The following SEC63 variants were observed in gnomAD, a reference collection of about 807,000 sequenced individuals.
SEC63 encodes SEC63 protein translocation regulator, also known as translocation protein SEC63 homolog.
A neutral mutation model predicts 116.2 loss-of-function variants in SEC63; 56 were observed. The observed-to-expected ratio is 0.48, with a 90% CI of 0.39 to 0.60. The LOEUF (loss-of-function observed/expected upper bound fraction) is 0.60, where lower values mean the gene tolerates loss of function less well. Ranked by LOEUF, SEC63 falls within the 20% of genes least tolerant of loss-of-function variation. The pLI is 0.00. For missense variants in SEC63, 668 were observed against 900.0 expected (o/e 0.74, Z 3.30); for synonymous variants, 273 against 294.6 (o/e 0.93, Z 0.75).
intron 1 of SEC63, among the ~76,000 whole-genome samples, chr6:107,953,696 T>TG (rs1189775593): frequency 6.2e-5 from 6 of 96,136 alleles, no homozygotes; most frequent in Admixed American, 4.8e-4. Flanking sequence ...GGGAGGGAGG[T>TG]GGGGGGTCAG....
At chr6:107,936,545 T>TA (rs72587806) in intron 1 of SEC63, among the ~76,000 whole-genome samples, 148,796 of 152,330 alleles carry the variant, frequency 0.98, 72,713 homozygotes, top group African/African-American at 0.99. Flanking sequence ...TAACTTGTAT[T>TA]TTTTTAAAGA....
In SEC63 at chr6:107,893,481, C is replaced by A. The variant is rs1336130964; in HGVS notation, c.1674+1G>T. 1 of 1,611,534 alleles carries A rather than the reference C, an allele frequency of 6.2e-7. No individual in the cohort carries two copies. Among genetic ancestry groups the A allele is most frequent in the Non-Finnish European group, 8.5e-7 (1 of 1,178,866 alleles). On this transcript the variant is annotated splice_donor_variant, in intron 16 of 20. Coordinates refer to ENST00000369002, the MANE Select transcript of SEC63 (RefSeq NM_007214.5). LOFTEE classifies it high-confidence loss of function. Reference sequence around the variant, plus strand: ...GATAATAACGATAATAATAAACTTACATTCCCAACGACTCCATTTGCCTGC... The same window carrying A: ...GATAATAACGATAATAATAAACTTAAATTCCCAACGACTCCATTTGCCTGC...
In SEC63 at chr6:107,958,069, C is replaced by G; in HGVS notation, c.-60G>C. 1.9e-6 allele frequency: 3 copies of G among 1,599,626 alleles called. No individual in the cohort carries two copies. Among genetic ancestry groups the G allele is most frequent in the Non-Finnish European group, 2.6e-6 (3 of 1,170,824 alleles). On this transcript the variant is annotated 5_prime_UTR_variant, in exon 1 of 21. Coordinates refer to ENST00000369002, the MANE Select transcript of SEC63 (RefSeq NM_007214.5). ...CGCCGCCACGACCACGCTCTGCACT[C>G]CCGCTCCCAACGCCCCGGCCCGAGT...
chr6:107,929,698 A>G (rs1231604622), intron 1 of SEC63, among the ~76,000 whole-genome samples, 184 bp from the exon 2 acceptor site: 2 of 152,226 alleles, frequency 1.3e-5, no homozygotes, highest in Non-Finnish European at 2.9e-5. Context: ...ATTTAGAACA[A>G]ACAACCTATC....
chr6:107,887,463 T>C (rs1018266499), intron 16 of SEC63, among the ~76,000 whole-genome samples: 2 of 146,136 alleles, frequency 1.4e-5, no homozygotes, highest in Admixed American at 6.9e-5. Flanking sequence ...ATGGATGAAA[T>C]TGGAAATCAT....
intron 19 of SEC63, among the ~76,000 whole-genome samples, chr6:107,873,435 T>C (rs1206413459): frequency 6.6e-6 from 1 of 152,184 alleles, no homozygotes; most frequent in Non-Finnish European, 1.5e-5. Context: ...AAAAGAACAA[T>C]TTTTTAAAAA....
At position 107,916,883 on chromosome 6, in the gene SEC63, C is replaced by T. The variant is rs142815308; in HGVS notation, c.453-3456G>A. On this transcript the variant is annotated intron_variant, in intron 4 of 20. Transcript: ENST00000369002. ...CCTCATGCCTCCCTATTCCCTGAGA[C>T]ACACAAGATTCAAATTGGGCAAATT... Among the ~76,000 whole-genome samples, 24 of 152,354 alleles carry T rather than the reference C, an allele frequency of 1.6e-4. No homozygotes were observed. In the East Asian group the frequency reaches 4.4e-3, roughly 28 times the overall value.
intron 13 of SEC63, among the ~76,000 whole-genome samples, chr6:107,898,266 A>C (rs1786913087): frequency 6.6e-6 from 1 of 152,094 alleles, no homozygotes; most frequent in African/African-American, 2.4e-5. Context: ...CAAAAAAAAA[A>C]AAAAAGAAAC....
intron 13 of SEC63, 89 bp downstream of exon 13, chr6:107,901,281 G>T: frequency 8.0e-7 from 1 of 1,249,166 alleles, no homozygotes; most frequent in Non-Finnish European, 1.2e-6. Flanking sequence ...ATGTTATTAA[G>T]TACAGTGTTT....
chr6:107,867,966 A>G lies in SEC63; in HGVS notation c.*3738T>C, dbSNP rs1340610414. ...GAAACAATAGCCCTAAAGTATGTCAATGATTGTTATTTGGGTTTTCAGCTC... is the reference window on the plus strand; with the variant it reads ...GAAACAATAGCCCTAAAGTATGTCAGTGATTGTTATTTGGGTTTTCAGCTC... On this transcript the variant is annotated 3_prime_UTR_variant, in exon 21 of 21. Transcript: ENST00000369002. 6.6e-6 allele frequency: 1 copy of G among 152,168 alleles called. No homozygotes were observed. Among genetic ancestry groups the G allele is most frequent in the Non-Finnish European group, 1.5e-5 (1 of 68,034 alleles). The allele number at this position is 152,168 out of a possible 1,614,324, so 9.4% of individuals were successfully genotyped here.
intron 16 of SEC63, among the ~76,000 whole-genome samples, chr6:107,886,850 T>TG (rs1420262085): frequency 1.3e-5 from 2 of 150,762 alleles, no homozygotes; most frequent in Non-Finnish European, 3.0e-5. Flanking sequence ...TTTGGGTTTT[T>TG]TTTTTTTTTT....
At chr6:107,931,377 A>G (rs925694051) in intron 1 of SEC63, among the ~76,000 whole-genome samples, 4 of 151,942 alleles carry the variant, frequency 2.6e-5, no homozygotes, top group African/African-American at 9.7e-5. Flanking sequence ...TTTAATCCTC[A>G]TGAAAAACTT....
intron 1 of SEC63, among the ~76,000 whole-genome samples, chr6:107,933,783 C>T (rs1241812213): frequency 6.6e-6 from 1 of 151,842 alleles, no homozygotes; most frequent in Admixed American, 6.6e-5. Context: ...CGAAGCTGGA[C>T]TGTACTGCTG....
chr6:107,876,982 T>G, intron 18 of SEC63: 1 of 276,086 alleles, frequency 3.6e-6, no homozygotes, highest in South Asian at 4.3e-5. Flanking sequence ...ACTATTACAA[T>G]AGCATGTAGC....
At chr6:107,891,208 A>T (rs890029652) in intron 16 of SEC63, among the ~76,000 whole-genome samples, 3 of 152,050 alleles carry the variant, frequency 2.0e-5, no homozygotes, top group Non-Finnish European at 2.9e-5. Context: ...ATACCAATCA[A>T]ACATAGATTT....
At chr6:107,900,330 A>G (rs1786971142) in intron 13 of SEC63, among the ~76,000 whole-genome samples, 1 of 152,046 alleles carries the variant, frequency 6.6e-6, no homozygotes, top group Admixed American at 6.6e-5. Context: ...TATTGCTTCA[A>G]CTAGACAATA....
intron 1 of SEC63, among the ~76,000 whole-genome samples, chr6:107,944,708 A>AAAAATC (rs1194123632): frequency 6.6e-6 from 1 of 151,484 alleles, no homozygotes; most frequent in African/African-American, 2.4e-5. Context: ...AAATAAAAAT[A>AAAAATC]AAAATAAAAA....
rs1179101789 is a variant in SEC63 at position 107,872,839 on chromosome 6, T to C, written c.2108A>G (p.Tyr703Cys). ...QYTVFLRSDSYMGLDQIKPLK... is the reference protein window; with the variant it reads ...QYTVFLRSDSCMGLDQIKPLK... ...TGGTTTAATCTGATCCAAACCCATA[T>C]AGGAGTCTGATCTCAGAAACACAGT... is the stretch of plus-strand genomic sequence containing the variant. Residue 703 changes from tyrosine to cysteine, a missense_variant, in exon 20 of 21, where the codon TAT (tyrosine) becomes TGT (cysteine). By Grantham distance (194) the Tyr-to-Cys change is radical. Around this residue, in one of 5 missense-constraint regions of SEC63, gnomAD observed 85 missense variants for 116.3 expected, o/e 0.73. Transcript: ENST00000369002. The C allele has an allele frequency of 6.4e-7, 1 of 1,555,830 alleles. No individual in the cohort carries two copies. The highest frequency in any genetic ancestry group is 1.2e-5 in the South Asian group (1 of 85,238).
chr6:107,908,633 A>T (rs1787206851), intron 8 of SEC63, among the ~76,000 whole-genome samples: 1 of 152,216 alleles, frequency 6.6e-6, no homozygotes, highest in South Asian at 2.1e-4. Context: ...AGTAACTAGC[A>T]GTGTCTGGCA....
Sources: gnomAD v4.1 joint callset for allele counts (sites outside exome capture counted in the v4.1 genomes callset) on GRCh38, gnomAD v4.1.1 for gene constraint, gnomAD v4.1.1 regional missense constraint, MANE v1.5 for transcripts, NCBI Gene and HGNC (gene_info 2026-07-23, HGNC 2026-07-21) for gene names.